The following TOP3A variants were observed in gnomAD, a reference collection of about 807,000 sequenced individuals.
TOP3A encodes DNA topoisomerase 3-alpha.
A neutral mutation model predicts 111.3 loss-of-function variants in TOP3A; 64 were observed. The observed-to-expected ratio is 0.57, with a 90% CI of 0.47 to 0.71. The LOEUF (loss-of-function observed/expected upper bound fraction) is 0.71, where lower values mean the gene tolerates loss of function less well. Among genes scored for constraint, TOP3A ranks in the 30% least tolerant of loss-of-function variants. The pLI is 0.00. For missense variants in TOP3A, 1,104 were observed against 1,285.0 expected (o/e 0.86, Z 2.15); for synonymous variants, 484 against 485.1 (o/e 1.00, Z 0.03).
At chr17:18,283,697 C>A (rs1423320013) in intron 15 of TOP3A, among the ~76,000 whole-genome samples, 1 of 152,184 alleles carries the variant, frequency 6.6e-6, no homozygotes, top group East Asian at 1.9e-4. Context: ...CCCAAATTCC[C>A]TCAGATGTCA....
intron 3 of TOP3A, 29 bp from the exon 4 acceptor site, chr17:18,306,995 A>G (rs780338604): frequency 1.3e-6 from 2 of 1,537,492 alleles, no homozygotes; most frequent in African/African-American, 1.4e-5. Context: ...CAGAGTCCCA[A>G]CTCAGTACAT....
chr17:18,305,486 A>ACACGCGCGCG lies in TOP3A; in HGVS notation c.391-267_391-266insCGCGCGCGTG, dbSNP rs1164323613. The stretch of plus-strand genomic sequence containing the variant: ...TGAAATTCAGCTCTAACACACACAC[A>ACACGCGCGCG]CGCGCGCGCGCGCGCGCGCACGCAC... On this transcript the variant is annotated intron_variant, in intron 4 of 18. Transcript: ENST00000321105. Among the ~76,000 whole-genome samples the ACACGCGCGCG allele has an allele frequency of 1.3e-3, 200 of 149,496 alleles. 1 individual carries two copies. The highest frequency in any genetic ancestry group is 4.7e-3 in the African/African-American group (190 of 40,452).
Position 18,287,473 on chromosome 17 carries a change from C to T in TOP3A, c.1598-1953G>A, listed in dbSNP as rs141715566. ...CCTGGGAGGCGGAGGTTGCAGTGAGCTGAAATCGTGCCACTACACTCCAGC... is the reference window on the plus strand; with the variant it reads ...CCTGGGAGGCGGAGGTTGCAGTGAGTTGAAATCGTGCCACTACACTCCAGC... On this transcript the variant is annotated intron_variant, in intron 13 of 18. Coordinates refer to ENST00000321105, the MANE Select transcript of TOP3A (RefSeq NM_004618.5). 2.8e-3 allele frequency among the ~76,000 whole-genome samples: 419 copies of T among 152,028 alleles called. 5 individuals carry two copies. The highest frequency in any genetic ancestry group is 9.4e-3 in the African/African-American group (391 of 41,462).
intron 1 of TOP3A, among the ~76,000 whole-genome samples, chr17:18,311,354 C>T (rs371018273): frequency 2.6e-5 from 4 of 151,924 alleles, no homozygotes; most frequent in African/African-American, 7.3e-5. Flanking sequence ...AATGTAATGG[C>T]GCAATCTAGG....
intron 18 of TOP3A, among the ~76,000 whole-genome samples, chr17:18,275,420 C>T (rs1979289174): frequency 7.9e-6 from 1 of 125,850 alleles, no homozygotes; most frequent in Non-Finnish European, 1.6e-5. Context: ...AGTGCAGTGG[C>T]GTGATCTCCA....
At chr17:18,276,548 C>T (rs1303457753) in intron 18 of TOP3A, among the ~76,000 whole-genome samples, 2 of 152,198 alleles carry the variant, frequency 1.3e-5, no homozygotes, top group African/African-American at 2.4e-5. Context: ...GACTAAACTC[C>T]TTTCTAAAAC....
chr17:18,271,767 A>T lies in TOP3A; in HGVS notation c.*3035T>A. The T allele has an allele frequency of 2.2e-6, 1 of 453,566 alleles. No individual in the cohort carries two copies. Among genetic ancestry groups the T allele is most frequent in the Non-Finnish European group, 4.5e-6 (1 of 221,950 alleles). 28.1% of individuals were successfully genotyped at this position (453,566 alleles called of 1,614,324 possible). ...AACAAAGACAGACAACACAATTTAAAAATGGGGGAAGAGACCAGGTGTGAT... is the reference window on the plus strand; with the variant it reads ...AACAAAGACAGACAACACAATTTAATAATGGGGGAAGAGACCAGGTGTGAT... On this transcript the variant is annotated 3_prime_UTR_variant, in exon 19 of 19. Transcript: ENST00000321105.
At chr17:18,282,135 G>A (rs140215128) in intron 16 of TOP3A, among the ~76,000 whole-genome samples, 152 of 152,242 alleles carry the variant, frequency 1.0e-3, no homozygotes, top group African/African-American at 3.5e-3. Flanking sequence ...TATTTAAAGC[G>A]AAAAGGGAGT....
At chr17:18,297,438 G>GTCCCTGTCCATCTCCCCACGGTC (rs1555571028) in intron 9 of TOP3A, among the ~76,000 whole-genome samples, 1 of 145,906 alleles carries the variant, frequency 6.9e-6, no homozygotes, top group African/African-American at 2.6e-5. Flanking sequence ...CCCTGTCCCT[G>GTCCCTGTCCATCTCCCCACGGTC]TCCCTCTCCC....
chr17:18,292,767 G>C lies in TOP3A; in HGVS notation c.1159C>G (p.Pro387Ala), dbSNP rs747519345. The change falls in exon 11 of 19, where the codon CCA becomes GCA. Residue 387 changes from proline (P) to alanine (A), a missense_variant. Coordinates refer to ENST00000321105, the MANE Select transcript of TOP3A (RefSeq NM_004618.5). ...TVLVEQQTPD[P>A]RWGAFAQSIL... ...CTCTGGGCAAAGGCCCCCCAGCGTG[G>C]ATCGGGGGTCTGCTGTTCCACCAAC... 2 of 1,613,922 alleles carry C rather than the reference G, an allele frequency of 1.2e-6. No individual in the cohort carries two copies. Among genetic ancestry groups the C allele is most frequent in the East Asian group, 2.2e-5 (1 of 44,880 alleles).
intron 8 of TOP3A, among the ~76,000 whole-genome samples, chr17:18,300,173 G>A (rs142675820): frequency 0.015 from 1,168 of 77,164 alleles, 10 homozygotes; most frequent in Middle Eastern, 0.059. Flanking sequence ...CGAGGCGGGC[G>A]GATTACAAGG....
In TOP3A at chr17:18,285,446, G is replaced by A. The variant is rs377076547; in HGVS notation, c.1672C>T (p.Arg558Trp). 9.9e-6 allele frequency: 16 copies of A among 1,614,026 alleles called. No homozygotes were observed. The highest frequency in any genetic ancestry group is 2.2e-5 in the South Asian group (2 of 91,066). The change falls in exon 14 of 19, where the codon CGG (arginine) becomes TGG (tryptophan). Residue 558 changes from arginine to tryptophan, a missense_variant. Physicochemically the swap from Arg to Trp is moderately radical, Grantham distance 101 (BLOSUM62 -3). Coordinates refer to ENST00000321105, the MANE Select transcript of TOP3A (RefSeq NM_004618.5). ...ATGCCCAGGTGCCCAGGGAGGAACCGCTTGTCTGGGGTGAGGCCCACGTAC... is the reference window on the plus strand; with the variant it reads ...ATGCCCAGGTGCCCAGGGAGGAACCACTTGTCTGGGGTGAGGCCCACGTAC... ...RMYVGLTPDK[R>W]FLPGHLGMGL...
chr17:18,312,813 C>T, intron 1 of TOP3A: 1 of 183,822 alleles, frequency 5.4e-6, no homozygotes, highest in Non-Finnish European at 1.2e-5. Context: ...TTCTCCTGGC[C>T]TTATAGAAAA....
chr17:18,274,559 A>G lies in TOP3A; in HGVS notation c.*243T>C. ...GGGGGTCCGAGGGAGCAGCTGCGTG[A>G]CTTTTCAGCAGTGGCTATGGTCACT... On this transcript the variant is annotated 3_prime_UTR_variant, in exon 19 of 19. Transcript: ENST00000321105. 1 of 467,084 alleles carries G rather than the reference A, an allele frequency of 2.1e-6. No individual in the cohort carries two copies. Among genetic ancestry groups the G allele is most frequent in the Admixed American group, 3.9e-5 (1 of 25,790 alleles). 28.9% of individuals were successfully genotyped at this position (467,084 alleles called of 1,614,324 possible).
chr17:18,275,087 GGGA>G (rs1979258010), intron 18 of TOP3A, 107 bp from the exon 19 acceptor site: 1 of 1,459,394 alleles, frequency 6.9e-7, no homozygotes, highest in African/African-American at 1.4e-5. Flanking sequence ...AGGAAGCTGA[GGGA>G]GGAGGATTGC....
chr17:18,308,400 C>T lies in TOP3A; in HGVS notation c.265G>A (p.Val89Ile). The change falls in exon 3 of 19, where the codon GTT (valine) becomes ATT (isoleucine). Residue 89 changes from valine (V) to isoleucine (I), a missense_variant. Val to Ile is a conservative substitution (Grantham distance 29, BLOSUM62 3). Transcript: ENST00000321105. Reference protein sequence around the residue: ...GQNVTMVMTSVSGHLLAHDFQ... With the variant: ...GQNVTMVMTSISGHLLAHDFQ... The stretch of plus-strand genomic sequence containing the variant: ...TCATGAGCCAGTAAATGTCCAGAAA[C>T]TGAAGTCATTACCATGGTAACATTC... The T allele has an allele frequency of 6.2e-7, 1 of 1,605,664 alleles. No homozygotes were observed. Among genetic ancestry groups the T allele is most frequent in the Non-Finnish European group, 8.5e-7 (1 of 1,174,986 alleles).
chr17:18,290,434 A>G, intron 13 of TOP3A, 123 bp downstream of exon 13: 1 of 1,164,696 alleles, frequency 8.6e-7, no homozygotes, highest in Non-Finnish European at 1.1e-6. Context: ...TATTTCAACT[A>G]TAAAATGGGA....
At chr17:18,301,768 TGA>T (rs1981239313) in intron 8 of TOP3A, 115 bp downstream of exon 8, 2 of 814,002 alleles carry the variant, frequency 2.5e-6, no homozygotes, top group Admixed American at 2.8e-5. Flanking sequence ...AGTGATCCCC[TGA>T]GATGCAAACT....
chr17:18,297,319 G>A (rs548944608), intron 9 of TOP3A, among the ~76,000 whole-genome samples: 34 of 152,280 alleles, frequency 2.2e-4, no homozygotes, highest in African/African-American at 7.7e-4. Flanking sequence ...CAGCTACTTG[G>A]GAGGCTGAGG....
Sources: gnomAD v4.1 joint callset for allele counts (sites outside exome capture counted in the v4.1 genomes callset) on GRCh38, gnomAD v4.1.1 for gene constraint, MANE v1.5 for transcripts, NCBI Gene and HGNC (gene_info 2026-07-23, HGNC 2026-07-21) for gene names.